SYCP1: variants seen among roughly 807,000 people sequenced by gnomAD.
SYCP1 encodes cancer/testis antigen 8.
In SYCP1, 64 loss-of-function variants were observed where a neutral mutation model predicts 153.1. The ratio of observed to expected loss-of-function variants is 0.42; its 90% confidence interval spans 0.34 to 0.51. The LOEUF (loss-of-function observed/expected upper bound fraction) is 0.51. Among genes scored for constraint, SYCP1 ranks in the 20% least tolerant of loss-of-function variants. SYCP1 has a pLI of 0.06. For synonymous variants in SYCP1, 384 were observed against 341.8 expected (o/e 1.12, Z -1.36); for missense variants, 997 against 1,049.0 (o/e 0.95, Z 0.68).
chr1:114,982,451 A>G (rs1253063465), intron 29 of SYCP1, among the ~76,000 whole-genome samples: 1 of 151,712 alleles, frequency 6.6e-6, no homozygotes, highest in Non-Finnish European at 1.5e-5. Context: ...GTTGAATTAT[A>G]TTCAGGCTCA....
At chr1:114,929,224 T>C (rs1669466594) in intron 23 of SYCP1, among the ~76,000 whole-genome samples, 1 of 151,708 alleles carries the variant, frequency 6.6e-6, no homozygotes, top group Non-Finnish European at 1.5e-5. Context: ...AGCAAAAAAG[T>C]CAGTAGAGGA....
At chr1:114,968,236 T>C (rs1672263833) in intron 27 of SYCP1, among the ~76,000 whole-genome samples, 1 of 152,246 alleles carries the variant, frequency 6.6e-6, no homozygotes, top group South Asian at 2.1e-4. Context: ...TCTTGCTAGA[T>C]TGGGGAATTT....
chr1:114,941,786 A>G (rs1670407605), intron 23 of SYCP1, among the ~76,000 whole-genome samples: 1 of 152,148 alleles, frequency 6.6e-6, no homozygotes, highest in African/African-American at 2.4e-5. Flanking sequence ...TAATGCCACA[A>G]GTGGAGAAGT....
intron 23 of SYCP1, among the ~76,000 whole-genome samples, chr1:114,936,834 A>G (rs1306792963): frequency 6.6e-6 from 1 of 152,226 alleles, no homozygotes; most frequent in Non-Finnish European, 1.5e-5. Flanking sequence ...AATCCAACTT[A>G]CAAGGGATGC....
chr1:114,854,348 G>A (rs1274742842), upstream of SYCP1, among the ~76,000 whole-genome samples: 2 of 152,106 alleles, frequency 1.3e-5, no homozygotes, highest in Non-Finnish European at 2.9e-5. Flanking sequence ...TGCCCAGACT[G>A]GTCTTGAACT....
At chr1:114,926,133 T>C (rs1365802342) in intron 21 of SYCP1, 145 bp from the exon 22 acceptor site, 1 of 571,050 alleles carries the variant, frequency 1.8e-6, no homozygotes, top group Non-Finnish European at 2.6e-6. Context: ...ATTTGTGATT[T>C]TAGTATAATT....
chr1:114,883,494 AT>A (rs996015552), intron 12 of SYCP1, among the ~76,000 whole-genome samples: 10 of 152,310 alleles, frequency 6.6e-5, no homozygotes, highest in African/African-American at 2.4e-4. Flanking sequence ...AATTAGCAGT[AT>A]ATTAGGCCTG....
chr1:114,950,579 A>G (rs1671031340), intron 27 of SYCP1, among the ~76,000 whole-genome samples: 1 of 152,108 alleles, frequency 6.6e-6, no homozygotes, highest in South Asian at 2.1e-4. Context: ...AGTTATAGAG[A>G]TAATACCTTT....
chr1:114,992,547 G>A (rs1673996645), intron 30 of SYCP1, among the ~76,000 whole-genome samples: 1 of 151,530 alleles, frequency 6.6e-6, no homozygotes, highest in South Asian at 2.1e-4. Flanking sequence ...AATGGGGAAG[G>A]AACATTTTTT....
intron 23 of SYCP1, among the ~76,000 whole-genome samples, chr1:114,943,182 A>G (rs1048048214): frequency 6.6e-6 from 1 of 151,974 alleles, no homozygotes; most frequent in African/African-American, 2.4e-5. Context: ...ATGCATATGG[A>G]AAATAATGTC....
At position 114,945,085 on chromosome 1, in the gene SYCP1, A is replaced by G. The variant is rs1034923708; in HGVS notation, c.2154+103A>G. ...GTATTCTTATTTGTCAGAGAAGATT[A>G]TTGTCTATGCAACAGTGACTGTCTA... On this transcript the variant is annotated intron_variant, in intron 25 of 31. Coordinates refer to ENST00000369522, the MANE Select transcript of SYCP1 (RefSeq NM_003176.4). 4.7e-6 allele frequency: 4 copies of G among 853,660 alleles called. No individual in the cohort carries two copies. In the African/African-American group the frequency reaches 6.9e-5, roughly 15 times the overall value. The allele number at this position is 853,660 out of a possible 1,614,324, so 52.9% of individuals were successfully genotyped here.
At chr1:114,863,043 G>C (rs1273836852) in intron 8 of SYCP1, 1 of 152,166 alleles carries the variant, frequency 6.6e-6, no homozygotes, top group African/African-American at 2.4e-5. Context: ...TCATTGATGG[G>C]CATTTGGGTT....
rs1557850360 is a variant in SYCP1 at position 114,981,319 on chromosome 1, C to T, written c.2383-17C>T. On this transcript the variant is annotated splice_polypyrimidine_tract_variant and intron_variant, in intron 28 of 31. Transcript: ENST00000369522. ...ACATTTAGTGATGGTTTTATTCATTCTTGTTGTTCAATGCAGAAAACACAA... is the reference window on the plus strand; with the variant it reads ...ACATTTAGTGATGGTTTTATTCATTTTTGTTGTTCAATGCAGAAAACACAA... 1 of 1,540,970 alleles carries T rather than the reference C, an allele frequency of 6.5e-7. No homozygotes were observed. Among genetic ancestry groups the T allele is most frequent in the Non-Finnish European group, 8.8e-7 (1 of 1,139,472 alleles).
chr1:114,939,256 A>G (rs1429510045), intron 23 of SYCP1, among the ~76,000 whole-genome samples: 2 of 152,182 alleles, frequency 1.3e-5, no homozygotes, highest in African/African-American at 4.8e-5. Context: ...TTCTAAAACT[A>G]AACATGCATC....
intron 28 of SYCP1, 110 bp from the exon 29 acceptor site, chr1:114,981,226 A>G (rs895995776): frequency 7.1e-5 from 56 of 787,140 alleles, no homozygotes; most frequent in Non-Finnish European, 1.1e-4. Context: ...TTAGGGATAA[A>G]TTTGCTTATT....
chr1:114,857,157 A>AAAT, intron 3 of SYCP1, 75 bp from the exon 4 acceptor site: 4 of 880,788 alleles, frequency 4.5e-6, no homozygotes, highest in Non-Finnish European at 6.4e-6. Flanking sequence ...AAAAAAAAAA[A>AAAT]GAGAAAAAAG....
At chr1:114,919,471 T>A (rs1405252856) in intron 20 of SYCP1, among the ~76,000 whole-genome samples, 1 of 152,018 alleles carries the variant, frequency 6.6e-6, no homozygotes. Context: ...TTCCTTTTTT[T>A]ATGTGTCTTT....
chr1:114,879,875 AATCT>A (rs1202337999), intron 12 of SYCP1, among the ~76,000 whole-genome samples: 2 of 152,062 alleles, frequency 1.3e-5, no homozygotes, highest in African/African-American at 2.4e-5. Context: ...ATTTGCTTTA[AATCT>A]ATCTACTGAA....
intron 16 of SYCP1, among the ~76,000 whole-genome samples, chr1:114,901,155 G>A (rs564991966): frequency 6.6e-6 from 1 of 152,250 alleles, no homozygotes; most frequent in South Asian, 2.1e-4. Context: ...GAATCTATCT[G>A]CTTTTAATTC....
Sources: allele counts gnomAD v4.1 joint callset (sites outside exome capture counted in the v4.1 genomes callset), GRCh38; gene constraint gnomAD v4.1.1; transcripts MANE v1.5; gene names NCBI Gene and HGNC (gene_info 2026-07-23, HGNC 2026-07-21).